Variants in SH3BP2 observed in about 807,000 individuals in gnomAD.
SH3BP2 encodes SH3 domain binding protein 2, also known as SH3 domain-binding protein 2.
Under a neutral mutation model 56.2 loss-of-function variants are expected in SH3BP2, and 38 were observed. That is an observed-to-expected ratio of 0.68 (90% CI 0.52 to 0.89). SH3BP2 has a LOEUF of 0.89. Among genes scored for constraint, SH3BP2 ranks in the 40% least tolerant of loss-of-function variants. The probability of loss-of-function intolerance (pLI) is 0.00; values close to 1 mark genes in which losing one functional copy is unlikely to be tolerated. For synonymous variants in SH3BP2, 346 were observed against 316.7 expected (o/e 1.09, Z -0.98); for missense variants, 748 against 762.6 (o/e 0.98, Z 0.23).
At position 2,802,211 on chromosome 4, in the gene SH3BP2, C is replaced by T. The variant is rs541899432; in HGVS notation, c.-5+9073C>T. Among the ~76,000 whole-genome samples the T allele has an allele frequency of 3.3e-5, 5 of 152,258 alleles. No individual in the cohort carries two copies. The South Asian group carries it at 1.0e-3, about 32-fold the overall frequency. ...GTCAGGAGTTCAAGACCAGCCTGGC[C>T]AACATAGTGAAACCCTGTCTCTACT... On this transcript the variant is annotated intron_variant, in intron 1 of 12. Transcript: ENST00000503393.
At position 2,833,746 on chromosome 4, in the gene SH3BP2, G is replaced by T. The variant is rs1435214571; in HGVS notation, c.1598G>T (p.Ser533Ile). 1 of 1,606,982 alleles carries T rather than the reference G, an allele frequency of 6.2e-7. No homozygotes were observed. Among genetic ancestry groups the T allele is most frequent in the Non-Finnish European group, 8.5e-7 (1 of 1,176,850 alleles). The change falls in exon 13 of 13, where the codon AGC (serine) becomes ATC (isoleucine). Residue 533 changes from serine (S) to isoleucine (I), a missense_variant. Physicochemically the swap from Ser to Ile is moderately radical, Grantham distance 142. Coordinates refer to ENST00000503393, the MANE Select transcript of SH3BP2 (RefSeq NM_001122681.2). ...EGEVLFVSVG[S>I]MVEHYHTHVL... ...GAGGTCCTGTTTGTGAGTGTGGGCA[G>T]CATGGTGGAGCACTACCACACCCAC...
intron 5 of SH3BP2, chr4:2,827,012 T>C (rs1360151432): frequency 2.9e-6 from 2 of 682,216 alleles, no homozygotes; most frequent in South Asian, 3.0e-5. Flanking sequence ...TCTGTCAGCG[T>C]ATCCATGTGT....
At position 2,826,965 on chromosome 4, in the gene SH3BP2, ATT is replaced by A. The variant is rs998787000; in HGVS notation, c.429-263_429-262del. ...CGTGTGCTTGTGTGTGCACGTGTGC[ATT>A]TGTGTGTTTGTCAGAGTATGTGTGC... On this transcript the variant is annotated intron_variant, in intron 5 of 12. Coordinates refer to ENST00000503393, the MANE Select transcript of SH3BP2 (RefSeq NM_001122681.2). 12 of 640,184 alleles carry A rather than the reference ATT, an allele frequency of 1.9e-5. No individual in the cohort carries two copies. The African/African-American group carries it at 2.2e-4, about 12-fold the overall frequency. 39.7% of individuals were successfully genotyped at this position (640,184 alleles called of 1,614,324 possible).
Position 2,818,116 on chromosome 4 carries a change from C to T in SH3BP2, c.-4-2498C>T, listed in dbSNP as rs554675521. The stretch of plus-strand genomic sequence containing the variant: ...CTCACGTGCCTCCCGCGCACGGTGA[C>T]GCGGCAGGGGGCGGGGCCGGGAGGG... On this transcript the variant is annotated intron_variant, in intron 1 of 12. Transcript: ENST00000503393. 2.7e-4 allele frequency: 180 copies of T among 667,608 alleles called. No homozygotes were observed. In the African/African-American group the frequency reaches 3.1e-3, roughly 11 times the overall value. 41.4% of individuals were successfully genotyped at this position (667,608 alleles called of 1,614,324 possible). A position where few individuals can be genotyped will look rare whatever the true frequency, so the allele number is the denominator to read the frequency against.
chr4:2,820,537 T>C, intron 1 of SH3BP2, 77 bp from the exon 2 acceptor site: 2 of 1,570,016 alleles, frequency 1.3e-6, no homozygotes, highest in Non-Finnish European at 1.8e-6. Flanking sequence ...ATCTTGGCAG[T>C]GTCCCCCTGA....
At position 2,840,669 on chromosome 4, in the gene SH3BP2, T is replaced by C. The variant is rs1725392483; in HGVS notation, c.*6835T>C. The C allele has an allele frequency of 6.6e-6, 1 of 152,244 alleles. No homozygotes were observed. Among genetic ancestry groups the C allele is most frequent in the African/African-American group, 2.4e-5 (1 of 41,454 alleles). 9.4% of individuals were successfully genotyped at this position (152,244 alleles called of 1,614,324 possible). A position where few individuals can be genotyped will look rare whatever the true frequency, so the allele number is the denominator to read the frequency against. On this transcript the variant is annotated 3_prime_UTR_variant, in exon 13 of 13. Coordinates refer to ENST00000503393, the MANE Select transcript of SH3BP2 (RefSeq NM_001122681.2). ...TCTTCTTTGAGAGTGTCTTGACTAT[T>C]CTGGCTCTTTGTATTTTCATGTAAG...
intron 8 of SH3BP2, among the ~76,000 whole-genome samples, chr4:2,830,654 C>T (rs147069399): frequency 0.01 from 1,543 of 152,342 alleles, 26 homozygotes; most frequent in African/African-American, 0.035. Context: ...TGAGCCACCG[C>T]GTCCTGCTGA....
chr4:2,829,428 G>A lies in SH3BP2; in HGVS notation c.587-65G>A. 1.3e-6 allele frequency: 2 copies of A among 1,575,164 alleles called. No individual in the cohort carries two copies. The highest frequency in any genetic ancestry group is 2.2e-5 in the South Asian group (2 of 90,300). On this transcript the variant is annotated intron_variant, in intron 7 of 12. Coordinates refer to ENST00000503393, the MANE Select transcript of SH3BP2 (RefSeq NM_001122681.2). This position sits in a 1 kb window ranked among gnomAD's most constrained non-coding sequence, Gnocchi z 4.9. ...CTCCTGGTTGGCCTGGCTGACCACT[G>A]CCAGCAGAGGATAGTGTTGGCCCAG...
At chr4:2,795,152 G>T (rs544766471) in intron 1 of SH3BP2, among the ~76,000 whole-genome samples, 3 of 152,146 alleles carry the variant, frequency 2.0e-5, no homozygotes, top group Admixed American at 2.0e-4. Flanking sequence ...ACAGTGGGTC[G>T]CTGAGGGTGC....
At position 2,829,762 on chromosome 4, in the gene SH3BP2, C is replaced by G. The variant is rs758046451; in HGVS notation, c.856C>G (p.Pro286Ala). ...GAGCGATCCCCCTCTGAGCACCATG[C>G]CCACCGCACCCGGCCTCCGGAAACC... is the stretch of plus-strand genomic sequence containing the variant. ...RMSDPPLSTMPTAPGLRKPPC... is the reference protein window; with the variant it reads ...RMSDPPLSTMATAPGLRKPPC... Residue 286 changes from proline to alanine, a missense_variant, in exon 8 of 13, where the codon CCC (proline) becomes GCC (alanine). Physicochemically the swap from Pro to Ala is conservative, Grantham distance 27 (BLOSUM62 -1). Around this residue, in one of 3 missense-constraint regions of SH3BP2, gnomAD observed 635 missense variants for 615.0 expected, o/e 1.03. Coordinates refer to ENST00000503393, the MANE Select transcript of SH3BP2 (RefSeq NM_001122681.2). The surrounding 1 kb of genome is among the most constrained non-coding windows in gnomAD (Gnocchi z 4.9). 1 of 1,612,972 alleles carries G rather than the reference C, an allele frequency of 6.2e-7. No homozygotes were observed. The highest frequency in any genetic ancestry group is 1.1e-5 in the South Asian group (1 of 91,076).
chr4:2,799,025 C>T (rs1293955057), intron 1 of SH3BP2: 24 of 985,444 alleles, frequency 2.4e-5, no homozygotes, highest in Non-Finnish European at 2.8e-5. Context: ...CCAAAGCCGG[C>T]GTCAGGTCAT....
Position 2,829,549 on chromosome 4 carries a change from C to G in SH3BP2, c.643C>G (p.Pro215Ala). Reference sequence around the variant, plus strand: ...ACCCCCAGTGCCCACGCCCAGGAAGCCAGCCTTCTCTGACATGCCCCGGGC... The same window carrying G: ...ACCCCCAGTGCCCACGCCCAGGAAGGCAGCCTTCTCTGACATGCCCCGGGC... ...PPPPVPTPRKPAFSDMPRAHS... is the reference protein window; with the variant it reads ...PPPPVPTPRKAAFSDMPRAHS... The change falls in exon 8 of 13, where the codon CCA becomes GCA. Residue 215 changes from proline (P) to alanine (A), a missense_variant. By Grantham distance (27) the Pro-to-Ala change is conservative. Coordinates refer to ENST00000503393, the MANE Select transcript of SH3BP2 (RefSeq NM_001122681.2). The surrounding 1 kb of genome is among the most constrained non-coding windows in gnomAD (Gnocchi z 4.9). The G allele has an allele frequency of 1.2e-6, 2 of 1,613,570 alleles. No individual in the cohort carries two copies. Among genetic ancestry groups the G allele is most frequent in the Non-Finnish European group, 1.7e-6 (2 of 1,179,956 alleles).
At chr4:2,795,472 C>T (rs1025152195) in intron 1 of SH3BP2, among the ~76,000 whole-genome samples, 1 of 152,228 alleles carries the variant, frequency 6.6e-6, no homozygotes, top group Non-Finnish European at 1.5e-5. Flanking sequence ...CGTGAGCCCC[C>T]ACGCCTGGCA....
At chr4:2,818,589 C>A in intron 1 of SH3BP2, 1 of 529,506 alleles carries the variant, frequency 1.9e-6, no homozygotes, top group Non-Finnish European at 2.6e-6. Flanking sequence ...CGGGGCTTGT[C>A]GATCTGCGGG....
rs1384410459 is a variant in SH3BP2 at position 2,829,711 on chromosome 4, A to G, written c.805A>G (p.Arg269Gly). 6.2e-7 allele frequency: 1 copy of G among 1,611,132 alleles called. No homozygotes were observed. The highest frequency in any genetic ancestry group is 1.7e-5 in the Admixed American group (1 of 59,848). ...LCPRRAEPCP[R>G]VPATPRRMSD... ...CCCGAGGCGGGCTGAGCCTTGCCCC[A>G]GGGTACCTGCTACCCCCCGAAGGAT... The change falls in exon 8 of 13, where the codon AGG becomes GGG. Residue 269 changes from arginine to glycine, a missense_variant. This residue lies in a region of SH3BP2 where 635 missense variants were observed against 615.0 expected (regional missense o/e 1.03). Coordinates refer to ENST00000503393, the MANE Select transcript of SH3BP2 (RefSeq NM_001122681.2). The surrounding 1 kb of genome is among the most constrained non-coding windows in gnomAD (Gnocchi z 4.9).
chr4:2,795,546 A>T (rs1723031014), intron 1 of SH3BP2, among the ~76,000 whole-genome samples: 1 of 152,150 alleles, frequency 6.6e-6, no homozygotes, highest in Non-Finnish European at 1.5e-5. Flanking sequence ...GTGGGTGAGG[A>T]GAAGGGCAGG....
intron 1 of SH3BP2, among the ~76,000 whole-genome samples, chr4:2,807,823 C>G (rs535533438): frequency 6.6e-6 from 1 of 152,134 alleles, no homozygotes; most frequent in African/African-American, 2.4e-5. Context: ...TCAGGCATGG[C>G]AGGTGAGGCT....
rs371090009 is a variant in SH3BP2, at chr4:2,827,220, T to C, written c.429-10T>C. ...GCTCACCGTCCGCCCCAACGCACCC[T>C]GCATTGCAGCGACTCCAGCTCGGAC... On this transcript the variant is annotated splice_polypyrimidine_tract_variant and intron_variant, in intron 5 of 12. Transcript: ENST00000503393. The C allele has an allele frequency of 6.8e-6, 11 of 1,613,676 alleles. No homozygotes were observed. In the African/African-American group the frequency reaches 1.1e-4, roughly 16 times the overall value.
chr4:2,814,573 A>G (rs1263446), intron 1 of SH3BP2, among the ~76,000 whole-genome samples: 24,504 of 152,166 alleles, frequency 0.16, 2,969 homozygotes, highest in African/African-American at 0.34. Context: ...CACACATGCA[A>G]AGATCACATA....
Sources: allele counts gnomAD v4.1 joint callset (sites outside exome capture counted in the v4.1 genomes callset), GRCh38; gene constraint gnomAD v4.1.1; regional missense constraint gnomAD v4.1.1; non-coding constraint Gnocchi (gnomAD v3.1); transcripts MANE v1.5; gene names NCBI Gene and HGNC (gene_info 2026-07-23, HGNC 2026-07-21).